The following WLS variants were observed in gnomAD, a reference collection of about 807,000 sequenced individuals.
WLS encodes the protein protein wntless homolog.
Under a neutral mutation model 62.8 loss-of-function variants are expected in WLS, and 23 were observed. The ratio of observed to expected loss-of-function variants is 0.37; its 90% CI spans 0.26 to 0.52. The LOEUF (loss-of-function observed/expected upper bound fraction) is 0.52, where lower values mean the gene tolerates loss of function less well. Ranked by LOEUF, WLS falls within the 20% of genes least tolerant of loss-of-function variation. The pLI is 0.92. For missense variants in WLS, 615 were observed against 697.3 expected (o/e 0.88, Z 1.33); for synonymous variants, 246 against 244.1 (o/e 1.01, Z -0.07).
At chr1:68,202,724 C>T (rs1170030106) in intron 1 of WLS, 1 of 152,140 alleles carries the variant, frequency 6.6e-6, no homozygotes, top group African/African-American at 2.4e-5. Context: ...CCAAGACCAC[C>T]TGTGGAAAGT....
rs1464408923 is a variant in WLS, at chr1:68,126,219, C to CA, written c.*6dup. On this transcript the variant is annotated 3_prime_UTR_variant, in exon 12 of 12. Coordinates refer to ENST00000262348, the MANE Select transcript of WLS (RefSeq NM_024911.7). ...GAGAGACCGTCCCAGCCGGGCGCTG[C>CA]AGCCTCCTACTCCTGGGCCTCCTTG... 6.2e-7 allele frequency: 1 copy of CA among 1,614,126 alleles called. No homozygotes were observed.
At chr1:68,187,080 C>T (rs1255842724) in intron 2 of WLS, among the ~76,000 whole-genome samples, 2 of 150,804 alleles carry the variant, frequency 1.3e-5, no homozygotes, top group Non-Finnish European at 2.9e-5. Context: ...GGCGTGGTGG[C>T]AGGCGCCTGT....
chr1:68,221,122 A>C lies in WLS; in HGVS notation c.106+11072T>G, dbSNP rs74081620. 5.8e-3 allele frequency among the ~76,000 whole-genome samples: 881 copies of C among 152,290 alleles called. 6 individuals are homozygous for C. Among genetic ancestry groups the C allele is most frequent in the African/African-American group, 0.02 (837 of 41,532 alleles). On this transcript the variant is annotated intron_variant, in intron 1 of 11. Transcript: ENST00000262348. Reference sequence around the variant, plus strand: ...AATTATCTTTTTTTTCTCTTTCATCAACTATTACCCAGAAATACCACATTC... The same window carrying C: ...AATTATCTTTTTTTTCTCTTTCATCCACTATTACCCAGAAATACCACATTC...
chr1:68,121,934 C>A (rs997651643), downstream of WLS, among the ~76,000 whole-genome samples: 1 of 152,192 alleles, frequency 6.6e-6, no homozygotes, highest in African/African-American at 2.4e-5. Context: ...ACAGCAGTTT[C>A]TCTGTGAATT....
chr1:68,175,098 C>T (rs17483057), intron 2 of WLS, among the ~76,000 whole-genome samples: 4 of 152,160 alleles, frequency 2.6e-5, no homozygotes, highest in Admixed American at 2.6e-4. Context: ...GCCTGTTCTC[C>T]CTCCAAAGTT....
intron 2 of WLS, among the ~76,000 whole-genome samples, chr1:68,182,418 A>G (rs935374104): frequency 3.3e-5 from 5 of 152,248 alleles, no homozygotes; most frequent in Non-Finnish European, 7.3e-5. Flanking sequence ...AAGTGCCTGA[A>G]GATTTCCTCA....
At chr1:68,098,886 A>G (rs1337116987) in intron 11 of WLS, 1 of 1,378,032 alleles carries the variant, frequency 7.3e-7, no homozygotes, top group Non-Finnish European at 9.6e-7. Flanking sequence ...AGTGTTTGAA[A>G]TTTGTTTAGG....
At chr1:68,218,150 A>G (rs1353848867) in intron 1 of WLS, among the ~76,000 whole-genome samples, 1 of 152,190 alleles carries the variant, frequency 6.6e-6, no homozygotes, top group Non-Finnish European at 1.5e-5. Context: ...AGGCTTATAC[A>G]TTTCTTTTAT....
intron 11 of WLS, among the ~76,000 whole-genome samples, chr1:68,133,261 C>T (rs1453931293): frequency 6.6e-6 from 1 of 152,158 alleles, no homozygotes; most frequent in Non-Finnish European, 1.5e-5. Context: ...TTTGCACATT[C>T]ACTGCCGCTA....
intron 11 of WLS, among the ~76,000 whole-genome samples, chr1:68,109,175 C>T (rs1437204295): frequency 7.2e-6 from 1 of 138,310 alleles, no homozygotes; most frequent in Admixed American, 7.3e-5. Flanking sequence ...GTTAAAACTG[C>T]AATCAAAAGC....
chr1:68,132,699 T>C, intron 11 of WLS, among the ~76,000 whole-genome samples: 1 of 152,208 alleles, frequency 6.6e-6, no homozygotes, highest in South Asian at 2.1e-4. Flanking sequence ...GTGTTCCCTC[T>C]GCCACAGTCA....
chr1:68,198,129 A>G (rs963631298), intron 1 of WLS, among the ~76,000 whole-genome samples: 13 of 152,302 alleles, frequency 8.5e-5, no homozygotes, highest in Non-Finnish European at 1.9e-4. Flanking sequence ...ACCCACCCAT[A>G]GTATAAGGTT....
intron 1 of WLS, chr1:68,231,441 G>A: frequency 4.3e-6 from 1 of 230,288 alleles, no homozygotes; most frequent in East Asian, 1.3e-4. Flanking sequence ...GTGGGGGAAG[G>A]GATATTCACG....
intron 1 of WLS, among the ~76,000 whole-genome samples, chr1:68,227,811 T>C (rs988991406): frequency 4.6e-5 from 7 of 152,168 alleles, no homozygotes; most frequent in Admixed American, 6.5e-5. Context: ...TTACAACTAT[T>C]GCATCATTAA....
intron 2 of WLS, among the ~76,000 whole-genome samples, chr1:68,182,197 A>G (rs971983267): frequency 1.3e-5 from 2 of 152,230 alleles, no homozygotes; most frequent in Admixed American, 6.5e-5. Context: ...GAGGAGCCCT[A>G]CTGTTTCTGA....
chr1:68,163,339 C>A (rs2820490), intron 2 of WLS, among the ~76,000 whole-genome samples: 39 of 152,070 alleles, frequency 2.6e-4, no homozygotes, highest in African/African-American at 8.9e-4. Context: ...TCAGCGTCCA[C>A]GGCAAAAGGC....
intron 11 of WLS, among the ~76,000 whole-genome samples, chr1:68,101,509 G>C (rs17130468): frequency 2.6e-5 from 4 of 152,122 alleles, no homozygotes; most frequent in Non-Finnish European, 2.9e-5. Context: ...CACATGAAGC[G>C]TCACAAAGAC....
chr1:68,225,181 G>C (rs576680414), intron 1 of WLS, among the ~76,000 whole-genome samples: 2 of 151,926 alleles, frequency 1.3e-5, no homozygotes, highest in African/African-American at 4.8e-5. Context: ...AATGTGGGGG[G>C]TGGGGGGAAG....
At chr1:68,146,240 G>C (rs1031193796) in intron 8 of WLS, among the ~76,000 whole-genome samples, 1 of 152,190 alleles carries the variant, frequency 6.6e-6, no homozygotes, top group African/African-American at 2.4e-5. Flanking sequence ...AACCAAGTAA[G>C]AAAAGAAATG....
Sources: allele counts gnomAD v4.1 joint callset (sites outside exome capture counted in the v4.1 genomes callset), GRCh38; gene constraint gnomAD v4.1.1; transcripts MANE v1.5; gene names NCBI Gene and HGNC (gene_info 2026-07-23, HGNC 2026-07-21).